Variants in ARL15 observed in about 807,000 individuals in gnomAD.
ARL15 encodes the protein ADP-ribosylation factor-like protein 15.
Under a neutral mutation model 25.2 loss-of-function variants are expected in ARL15, and 19 were observed. The observed-to-expected ratio is 0.75, with a 90% CI of 0.53 to 1.10. The LOEUF (loss-of-function observed/expected upper bound fraction) is 1.10. ARL15 is among the 50% of genes least tolerant of loss of function. The probability of loss-of-function intolerance (pLI) is 0.00; values close to 1 mark genes in which losing one functional copy is unlikely to be tolerated. For synonymous variants in ARL15, 94 were observed against 86.8 expected (o/e 1.08, Z -0.46); for missense variants, 220 against 246.0 (o/e 0.89, Z 0.71).
At chr5:53,922,870 G>A (rs1382916094) in intron 4 of ARL15, among the ~76,000 whole-genome samples, 3 of 152,132 alleles carry the variant, frequency 2.0e-5, no homozygotes, top group Non-Finnish European at 2.9e-5. Context: ...TTCCCCTGGG[G>A]ACTTTCACTT....
At chr5:53,988,102 C>CCAA (rs560780964) in intron 4 of ARL15, among the ~76,000 whole-genome samples, 508 of 150,886 alleles carry the variant, frequency 3.4e-3, no homozygotes, top group African/African-American at 0.012. Context: ...GACTCCAACT[C>CCAA]CAACAACAAC....
chr5:54,108,056 A>G (rs1439023045), intron 4 of ARL15, among the ~76,000 whole-genome samples: 3 of 152,194 alleles, frequency 2.0e-5, no homozygotes, highest in African/African-American at 2.4e-5. Flanking sequence ...TGTATAATAA[A>G]TAAAATATTC....
intron 3 of ARL15, among the ~76,000 whole-genome samples, chr5:54,118,266 T>C (rs1184265610): frequency 6.6e-6 from 1 of 152,180 alleles, no homozygotes; most frequent in East Asian, 1.9e-4. Context: ...GAGTTATCTA[T>C]GTGAGACTAG....
intron 4 of ARL15, among the ~76,000 whole-genome samples, chr5:54,031,516 C>T (rs1489955486): frequency 6.6e-6 from 1 of 152,156 alleles, no homozygotes; most frequent in Non-Finnish European, 1.5e-5. Context: ...ATTTGCCCAG[C>T]TGTAGAGGCA....
rs961634974 is a variant in ARL15 at position 53,929,959 on chromosome 5, C to A, written c.463-43246G>T. 3.3e-5 allele frequency among the ~76,000 whole-genome samples: 5 copies of A among 152,074 alleles called. No individual in the cohort carries two copies. In the East Asian group the frequency reaches 7.7e-4, roughly 24 times the overall value. On this transcript the variant is annotated intron_variant, in intron 4 of 4. Transcript: ENST00000504924. ...ACTTATGCTCTGTTCTTAGGAGGGG[C>A]TGATCATTTATTATAGGTTCTTTTT...
rs1561143824 is a variant in ARL15 at position 53,907,479 on chromosome 5, TATA to T, written c.463-20769_463-20767del. The stretch of plus-strand genomic sequence containing the variant: ...GTTCATATATATATATATATATATA[TATA>T]TATATATTTTTTTTTTTTTTTTTTT... On this transcript the variant is annotated intron_variant, in intron 4 of 4. Coordinates refer to ENST00000504924, the MANE Select transcript of ARL15 (RefSeq NM_019087.3). Among the ~76,000 whole-genome samples the T allele has an allele frequency of 5.8e-3, 204 of 35,098 alleles. 4 individuals are homozygous for T. The highest frequency in any genetic ancestry group is 0.025 in the African/African-American group (193 of 7,818). The allele number at this position is 35,098 out of a possible 152,430, so 23.0% of individuals were successfully genotyped here.
intron 4 of ARL15, among the ~76,000 whole-genome samples, chr5:53,981,633 C>T (rs186559410): frequency 1.3e-5 from 2 of 152,296 alleles, no homozygotes; most frequent in African/African-American, 4.8e-5. Context: ...CAGTAGCTCA[C>T]TCCTATAATC....
intron 1 of ARL15, among the ~76,000 whole-genome samples, chr5:54,242,190 T>A (rs1756976516): frequency 6.6e-6 from 1 of 151,864 alleles, no homozygotes; most frequent in South Asian, 2.1e-4. Flanking sequence ...CACACACAAT[T>A]AAGTTATAAG....
chr5:54,230,277 C>T (rs1055759597), intron 1 of ARL15, among the ~76,000 whole-genome samples: 20 of 143,812 alleles, frequency 1.4e-4, no homozygotes, highest in East Asian at 4.3e-4. Flanking sequence ...AACCGGCAGG[C>T]GGAGGTTGCA....
At position 54,195,803 on chromosome 5, in the gene ARL15, G is replaced by A. The variant is rs1755533083; in HGVS notation, c.49-23875C>T. ...TATACAACTAGCTCATTATTTTCCT[G>A]ACAACTATGTATTAGTCCCATTTTA... On this transcript the variant is annotated intron_variant, in intron 1 of 4. Transcript: ENST00000504924. Among the ~76,000 whole-genome samples the A allele has an allele frequency of 2.6e-5, 4 of 152,068 alleles. No homozygotes were observed. The South Asian group carries it at 8.3e-4, about 32-fold the overall frequency.
chr5:54,239,124 G>GT (rs1447650472), intron 1 of ARL15, among the ~76,000 whole-genome samples: 1 of 152,070 alleles, frequency 6.6e-6, no homozygotes, highest in East Asian at 1.9e-4. Context: ...CGACATTTAG[G>GT]TCAATTTATA....
At chr5:54,287,369 C>CA (rs1158220212) in intron 1 of ARL15, among the ~76,000 whole-genome samples, 1 of 151,834 alleles carries the variant, frequency 6.6e-6, no homozygotes, top group Non-Finnish European at 1.5e-5. Context: ...TTTAGGGAAA[C>CA]AGAGTAGAGG....
chr5:54,231,356 C>T (rs1028623592), intron 1 of ARL15, among the ~76,000 whole-genome samples: 2 of 152,300 alleles, frequency 1.3e-5, no homozygotes, highest in East Asian at 1.9e-4. Context: ...CCCACTTCTG[C>T]CACCCTCATC....
chr5:54,198,296 G>A (rs1023824288), intron 1 of ARL15, among the ~76,000 whole-genome samples: 157 of 152,266 alleles, frequency 1.0e-3, no homozygotes, highest in African/African-American at 3.6e-3. Flanking sequence ...TTCTGGCCGG[G>A]GCAATCAGGC....
At position 54,182,709 on chromosome 5, in the gene ARL15, G is replaced by A. The variant is rs1468729375; in HGVS notation, c.49-10781C>T. The stretch of plus-strand genomic sequence containing the variant: ...AGAAAGTCTTTGGTAGCTTGATGGG[G>A]ATGGCATTGAATCTATAAATTACCT... On this transcript the variant is annotated intron_variant, in intron 1 of 4. Transcript: ENST00000504924. Among the ~76,000 whole-genome samples the A allele has an allele frequency of 1.4e-4, 21 of 152,048 alleles. No homozygotes were observed. The East Asian group carries it at 2.1e-3, about 15-fold the overall frequency.
intron 4 of ARL15, among the ~76,000 whole-genome samples, chr5:53,955,732 C>T (rs1747128756): frequency 6.6e-6 from 1 of 152,188 alleles, no homozygotes; most frequent in Admixed American, 6.5e-5. Flanking sequence ...TTTCCTGGCT[C>T]AGCAGCAGTC....
intron 3 of ARL15, among the ~76,000 whole-genome samples, chr5:54,133,559 G>T (rs1356547121): frequency 6.6e-6 from 1 of 152,170 alleles, no homozygotes; most frequent in Non-Finnish European, 1.5e-5. Flanking sequence ...ACATGTGGCC[G>T]CTATAAGGTC....
At chr5:53,946,421 G>C (rs1187294474) in intron 4 of ARL15, among the ~76,000 whole-genome samples, 1 of 123,210 alleles carries the variant, frequency 8.1e-6, no homozygotes, top group Non-Finnish European at 1.6e-5. Context: ...CTGCACTCCA[G>C]TCTGGGCGAC....
intron 3 of ARL15, among the ~76,000 whole-genome samples, chr5:54,118,340 T>A (rs1330566761): frequency 6.6e-6 from 1 of 152,246 alleles, no homozygotes; most frequent in Non-Finnish European, 1.5e-5. Context: ...GAAGCAGATA[T>A]GAGCATCCGG....
Sources: allele counts gnomAD v4.1 joint callset (sites outside exome capture counted in the v4.1 genomes callset), GRCh38; gene constraint gnomAD v4.1.1; transcripts MANE v1.5; gene names NCBI Gene and HGNC (gene_info 2026-07-23, HGNC 2026-07-21).